The following LARP4 variants were observed in gnomAD, a reference collection of about 807,000 sequenced individuals.
The protein encoded by LARP4 is la-related protein 4.
A neutral mutation model predicts 92.9 loss-of-function variants in LARP4; 29 were observed. That is an observed-to-expected ratio of 0.31 (90% confidence interval 0.23 to 0.43). LARP4 has a LOEUF of 0.43. Ranked by LOEUF, LARP4 falls within the 20% of genes least tolerant of loss-of-function variation. LARP4 has a pLI of 1.00. For missense variants in LARP4, 732 were observed against 860.0 expected (o/e 0.85, Z 1.86); for synonymous variants, 279 against 284.1 (o/e 0.98, Z 0.18).
chr12:50,453,517 T>G lies in LARP4; in HGVS notation c.862T>G (p.Ser288Ala). The change falls in exon 9 of 16, where the codon TCT becomes GCT. Residue 288 changes from serine to alanine, a missense_variant. Ser to Ala is a moderately conservative substitution (Grantham distance 99, BLOSUM62 1). Around this residue, in one of 7 missense-constraint regions of LARP4, gnomAD observed 264 missense variants for 269.5 expected, o/e 0.98. Coordinates refer to ENST00000398473, the MANE Select transcript of LARP4 (RefSeq NM_052879.5). ...FAKNGYRLMD[S>A]SIYSHPIQTQ... ...TAAGAATGGTTATCGATTAATGGATTCTAGTATCTATAGTCACCCCATTCA... is the reference window on the plus strand; with the variant it reads ...TAAGAATGGTTATCGATTAATGGATGCTAGTATCTATAGTCACCCCATTCA... 1 of 1,613,286 alleles carries G rather than the reference T, an allele frequency of 6.2e-7. No homozygotes were observed. The highest frequency in any genetic ancestry group is 8.5e-7 in the Non-Finnish European group (1 of 1,179,392).
intron 8 of LARP4, among the ~76,000 whole-genome samples, chr12:50,443,230 A>G (rs893706452): frequency 2.0e-5 from 3 of 152,156 alleles, no homozygotes; most frequent in African/African-American, 7.2e-5. Flanking sequence ...GTTTTCTTTG[A>G]GTTCTGCTTC....
At chr12:50,437,045 C>T (rs371587118) in intron 5 of LARP4, among the ~76,000 whole-genome samples, 1 of 152,202 alleles carries the variant, frequency 6.6e-6, no homozygotes, top group East Asian at 1.9e-4. Context: ...CCTGTTTAGG[C>T]TGGAACTTGG....
chr12:50,453,483 A>T lies in LARP4; in HGVS notation c.828A>T (p.Thr276=). ...AGGCAAGGATAAAAGCCATCAATAC[A>T]TTTTTTGCTAAGAATGGTTATCGAT... The part of the protein sequence containing the change: ...PIMARIKAIN[T]FFAKNGYRLM... The change falls in exon 9 of 16, where the codon ACA becomes ACT. Residue 276 remains threonine, a synonymous_variant. Coordinates refer to ENST00000398473, the MANE Select transcript of LARP4 (RefSeq NM_052879.5). 6.2e-7 allele frequency: 1 copy of T among 1,610,862 alleles called. No homozygotes were observed. The highest frequency in any genetic ancestry group is 1.3e-5 in the African/African-American group (1 of 74,930).
intron 1 of LARP4, among the ~76,000 whole-genome samples, chr12:50,414,416 G>A (rs142073230): frequency 2.6e-5 from 4 of 152,172 alleles, no homozygotes; most frequent in Non-Finnish European, 4.4e-5. Context: ...CCATCCTCTC[G>A]TCTCAGCCTC....
At chr12:50,448,644 C>T (rs1283538519) in intron 8 of LARP4, among the ~76,000 whole-genome samples, 2 of 152,066 alleles carry the variant, frequency 1.3e-5, no homozygotes, top group African/African-American at 4.8e-5. Flanking sequence ...CCTGCTTCAG[C>T]CTCCTGAGTA....
chr12:50,453,895 A>G (rs1004658679), intron 9 of LARP4, among the ~76,000 whole-genome samples: 1 of 151,982 alleles, frequency 6.6e-6, no homozygotes, highest in Non-Finnish European at 1.5e-5. Flanking sequence ...AGCCTCCCAA[A>G]ATGCTAGGAT....
chr12:50,428,041 G>C (rs1370849117), intron 2 of LARP4, 132 bp downstream of exon 2: 5 of 582,364 alleles, frequency 8.6e-6, no homozygotes, highest in Non-Finnish European at 1.4e-5. Context: ...TGTCACCCAG[G>C]CTGGAGTACA....
rs1359388680 is a variant in LARP4 at position 50,478,026 on chromosome 12, T to C, written c.*2162T>C. 6.6e-6 allele frequency: 1 copy of C among 152,514 alleles called. No homozygotes were observed. Among genetic ancestry groups the C allele is most frequent in the Non-Finnish European group, 1.5e-5 (1 of 67,930 alleles). 9.4% of individuals were successfully genotyped at this position (152,514 alleles called of 1,614,324 possible). On this transcript the variant is annotated 3_prime_UTR_variant, in exon 16 of 16. Transcript: ENST00000398473. ...TACTGCACTTAAAATGAAACATTACTTTTTTTAAACAATGTGTCACAAATG... is the reference window on the plus strand; with the variant it reads ...TACTGCACTTAAAATGAAACATTACCTTTTTTAAACAATGTGTCACAAATG...
chr12:50,437,664 A>G, intron 5 of LARP4, 71 bp from the exon 6 acceptor site: 1 of 824,708 alleles, frequency 1.2e-6, no homozygotes, highest in Admixed American at 2.4e-5. Flanking sequence ...TAAAATGAAT[A>G]GTTTCTTTAA....
intron 10 of LARP4, among the ~76,000 whole-genome samples, chr12:50,458,731 A>G (rs1954797697): frequency 6.6e-6 from 1 of 152,192 alleles, no homozygotes; most frequent in Admixed American, 6.6e-5. Flanking sequence ...TGTTTTTGCT[A>G]CTGATTAAAC....
At chr12:50,456,643 C>G (rs1404674849) in intron 10 of LARP4, among the ~76,000 whole-genome samples, 1 of 152,102 alleles carries the variant, frequency 6.6e-6, no homozygotes, top group Non-Finnish European at 1.5e-5. Flanking sequence ...CATTTTTCTA[C>G]CTTTCATACT....
At chr12:50,433,436 G>A (rs570117571) in intron 4 of LARP4, among the ~76,000 whole-genome samples, 1 of 151,786 alleles carries the variant, frequency 6.6e-6, no homozygotes, top group Admixed American at 6.6e-5. Flanking sequence ...ATACATATCA[G>A]GTATTACTCA....
At chr12:50,449,436 A>G (rs969085232) in intron 8 of LARP4, among the ~76,000 whole-genome samples, 4 of 152,062 alleles carry the variant, frequency 2.6e-5, no homozygotes, top group African/African-American at 7.2e-5. Flanking sequence ...TTTTCATGCA[A>G]ATTGGTCGCT....
At chr12:50,475,456 C>A in intron 15 of LARP4, 70 bp from the exon 16 acceptor site, 1 of 1,314,348 alleles carries the variant, frequency 7.6e-7, no homozygotes. Flanking sequence ...ATGGTTAACA[C>A]AATCATTTTT....
chr12:50,419,877 C>T (rs190221475), intron 1 of LARP4, among the ~76,000 whole-genome samples: 1 of 152,224 alleles, frequency 6.6e-6, no homozygotes, highest in East Asian at 1.9e-4. Flanking sequence ...TGCGCTCCAC[C>T]CTGGGCAACA....
At chr12:50,412,230 C>T (rs933156446) in intron 1 of LARP4, among the ~76,000 whole-genome samples, 1 of 152,052 alleles carries the variant, frequency 6.6e-6, no homozygotes, top group Non-Finnish European at 1.5e-5. Flanking sequence ...TAAGCATCTT[C>T]TGGTAGGATT....
At chr12:50,464,939 C>T (rs957631081) in intron 12 of LARP4, among the ~76,000 whole-genome samples, 1 of 152,186 alleles carries the variant, frequency 6.6e-6, no homozygotes, top group African/African-American at 2.4e-5. Flanking sequence ...ATCCACCTGC[C>T]TCGGCCTCCC....
rs766735896 is a variant in LARP4, at chr12:50,454,388, GA to G, written c.1094del (p.Asn365IlefsTer11). ...CTTATAAAACAAATGCTGCTGCTAT[GA>G]ATATGGGTCGACCATTCCAAAAAAA... ...GSYKTNAAAMNMGRPFQKNRV... is the reference protein window; with the variant it reads ...GSYKTNAAAMXMGRPFQKNRV... On this transcript the variant is annotated frameshift_variant, in exon 10 of 16. Transcript: ENST00000398473. LOFTEE classifies it high-confidence loss of function. 1 of 1,613,264 alleles carries G rather than the reference GA, an allele frequency of 6.2e-7. No homozygotes were observed. The highest frequency in any genetic ancestry group is 8.5e-7 in the Non-Finnish European group (1 of 1,179,782).
chr12:50,432,085 G>A (rs1949740214), intron 4 of LARP4, among the ~76,000 whole-genome samples: 1 of 151,986 alleles, frequency 6.6e-6, no homozygotes. Flanking sequence ...GCAGTAAGCC[G>A]AGGTTGCAGC....
Sources: gnomAD v4.1 joint callset for allele counts (sites outside exome capture counted in the v4.1 genomes callset) on GRCh38, gnomAD v4.1.1 for gene constraint, gnomAD v4.1.1 regional missense constraint, MANE v1.5 for transcripts, NCBI Gene and HGNC (gene_info 2026-07-23, HGNC 2026-07-21) for gene names.